Variants in MLXIPL observed in about 807,000 individuals in gnomAD.
The protein encoded by MLXIPL is carbohydrate-responsive element-binding protein.
MLXIPL carries 49 observed loss-of-function variants against 81.5 expected under a neutral mutation model. The ratio of observed to expected loss-of-function variants is 0.60; its 90% CI spans 0.48 to 0.76. The LOEUF is 0.76. MLXIPL is among the 30% of genes least tolerant of loss of function. The pLI is 0.00. For missense variants in MLXIPL, 1,053 were observed against 1,167.0 expected, an observed-to-expected ratio of 0.90 and a Z score of 1.42; for synonymous variants, 466 against 485.5, an observed-to-expected ratio of 0.96 and a Z score of 0.53.
intron 7 of MLXIPL, among the ~76,000 whole-genome samples, chr7:73,603,521 TG>T (rs1563489468): frequency 6.6e-6 from 1 of 151,788 alleles, no homozygotes; most frequent in Non-Finnish European, 1.5e-5. Context: ...GGAACAGGGG[TG>T]GGGGTGGTTC....
the MLXIPL span, among the ~76,000 whole-genome samples, chr7:73,639,781 G>A: frequency 2.0e-5 from 3 of 152,172 alleles, no homozygotes; most frequent in East Asian, 1.9e-4. Context: ...GTTATGGGCC[G>A]GGCGCAGTGG....
chr7:73,617,157 A>C (rs1192233946), intron 1 of MLXIPL, among the ~76,000 whole-genome samples: 1 of 152,004 alleles, frequency 6.6e-6, no homozygotes, highest in African/African-American at 2.4e-5. Flanking sequence ...CTGGGATTAC[A>C]GTTGTGCGCC....
At chr7:73,600,696 GA>G (rs1794740809) in intron 7 of MLXIPL, among the ~76,000 whole-genome samples, 1 of 115,424 alleles carries the variant, frequency 8.7e-6, no homozygotes, top group Non-Finnish European at 1.9e-5. Flanking sequence ...GTGGGGGCGA[GA>G]GGGGCCCTAA....
At chr7:73,628,944 C>T (rs1796794572), upstream of MLXIPL, among the ~76,000 whole-genome samples, 1 of 152,212 alleles carries the variant, frequency 6.6e-6, no homozygotes, top group South Asian at 2.1e-4. Flanking sequence ...GCCTGCCCTT[C>T]CTTGTTGGGA....
At chr7:73,594,556 T>C (rs1794117549) in intron 15 of MLXIPL, among the ~76,000 whole-genome samples, 153 bp from the exon 16 acceptor site, 1 of 151,706 alleles carries the variant, frequency 6.6e-6, no homozygotes, top group Admixed American at 6.6e-5. Flanking sequence ...ACTTCTTCTT[T>C]TTTTTTTTTT....
At chr7:73,645,648 T>G in the MLXIPL span, among the ~76,000 whole-genome samples, 1 of 152,070 alleles carries the variant, frequency 6.6e-6, no homozygotes. Flanking sequence ...CTTCCAGACC[T>G]CCTCCCAGCT....
At chr7:73,645,702 G>A in the MLXIPL span, among the ~76,000 whole-genome samples, 23 of 152,156 alleles carry the variant, frequency 1.5e-4, no homozygotes, top group African/African-American at 5.1e-4. Context: ...CAGGTTACAG[G>A]TGTGCAGAGT....
At chr7:73,627,250 CTTTT>C (rs869038650), upstream of MLXIPL, among the ~76,000 whole-genome samples, 5 of 133,902 alleles carry the variant, frequency 3.7e-5, no homozygotes, top group East Asian at 2.1e-4. Flanking sequence ...AAGTGGCCCT[CTTTT>C]TTTTTTTTTT....
chr7:73,620,880 G>A (rs543413376), intron 1 of MLXIPL, among the ~76,000 whole-genome samples: 7 of 151,978 alleles, frequency 4.6e-5, no homozygotes, highest in East Asian at 1.9e-4. Context: ...GTGAAACCTC[G>A]TCTCTACTGA....
the MLXIPL span, among the ~76,000 whole-genome samples, chr7:73,631,623 T>A: frequency 7.2e-6 from 1 of 138,136 alleles, no homozygotes; most frequent in African/African-American, 2.7e-5. Flanking sequence ...CCTAGGCTGG[T>A]GTCAAACTCC....
chr7:73,607,324 C>T lies in MLXIPL; in HGVS notation c.573+7G>A, dbSNP rs200438567. 7,624 of 1,560,504 alleles carry T rather than the reference C, an allele frequency of 4.9e-3. 29 individuals carry two copies. Among genetic ancestry groups the T allele is most frequent in the Non-Finnish European group, 6.3e-3 (7,222 of 1,151,710 alleles). On this transcript the variant is annotated splice_region_variant and intron_variant, in intron 4 of 16. Transcript: ENST00000313375. ...CTCTGGGGCCTCCCTGGCCCTCCCC[C>T]ACTGACCCGCTTCTTGTAGTAGATG...
chr7:73,615,181 G>A (rs1375870612), intron 2 of MLXIPL, among the ~76,000 whole-genome samples: 2 of 152,178 alleles, frequency 1.3e-5, no homozygotes, highest in Non-Finnish European at 2.9e-5. Flanking sequence ...GCAAGGGGCA[G>A]AGACGGGGTG....
intron 1 of MLXIPL, among the ~76,000 whole-genome samples, chr7:73,622,320 G>A (rs1029259611): frequency 4.6e-5 from 7 of 151,842 alleles, no homozygotes; most frequent in African/African-American, 1.2e-4. Flanking sequence ...GTGAAATCTC[G>A]TCTCTACTAA....
At chr7:73,636,262 T>C in the MLXIPL span, among the ~76,000 whole-genome samples, 1 of 151,776 alleles carries the variant, frequency 6.6e-6, no homozygotes, top group Non-Finnish European at 1.5e-5. Flanking sequence ...ACACAAAAAT[T>C]AGCCGGATCC....
chr7:73,621,726 G>GCTCC (rs1195918466), intron 1 of MLXIPL, among the ~76,000 whole-genome samples: 1 of 24,564 alleles, frequency 4.1e-5, no homozygotes, highest in African/African-American at 1.6e-4. Context: ...TCTCTCTCCA[G>GCTCC]CTCCCTCCCT....
the MLXIPL span, among the ~76,000 whole-genome samples, chr7:73,631,429 T>C: frequency 6.6e-6 from 1 of 152,056 alleles, no homozygotes; most frequent in Non-Finnish European, 1.5e-5. Flanking sequence ...CACGGAAGTG[T>C]ATATGTTGTA....
chr7:73,616,351 A>G (rs1213226907), intron 1 of MLXIPL, among the ~76,000 whole-genome samples, 174 bp from the exon 2 acceptor site: 4 of 152,136 alleles, frequency 2.6e-5, no homozygotes, highest in Non-Finnish European at 4.4e-5. Flanking sequence ...CAGACCTTCA[A>G]AATCCCCTTC....
Position 73,604,498 on chromosome 7 carries a change from G to A in MLXIPL, c.901+1190C>T, listed in dbSNP as rs540067037. The stretch of plus-strand genomic sequence containing the variant: ...TGAGGTGGGAGGATCACTTGAGCCT[G>A]GGAGGTTGAGGCTGCAGTGAGCTGT... On this transcript the variant is annotated intron_variant, in intron 7 of 16. Coordinates refer to ENST00000313375, the MANE Select transcript of MLXIPL (RefSeq NM_032951.3). Among the ~76,000 whole-genome samples the A allele has an allele frequency of 2.5e-4, 38 of 152,142 alleles. No individual in the cohort carries two copies. In the East Asian group the frequency reaches 7.4e-3, roughly 30 times the overall value.
the MLXIPL span, among the ~76,000 whole-genome samples, chr7:73,646,941 G>A: frequency 6.6e-6 from 1 of 152,108 alleles, no homozygotes; most frequent in African/African-American, 2.4e-5. Context: ...GGACTTGGTT[G>A]GAGTGGGCCA....
Sources: gnomAD v4.1 joint callset for allele counts (sites outside exome capture counted in the v4.1 genomes callset) on GRCh38, gnomAD v4.1.1 for gene constraint, MANE v1.5 for transcripts, NCBI Gene and HGNC (gene_info 2026-07-23, HGNC 2026-07-21) for gene names.